The following LRRC4C variants were observed in gnomAD, a reference collection of about 807,000 sequenced individuals.
The protein encoded by LRRC4C is leucine rich repeat containing 4C.
A neutral mutation model predicts 33.6 loss-of-function variants in LRRC4C; 5 were observed. The observed-to-expected ratio is 0.15, with a 90% confidence interval of 0.08 to 0.31. LRRC4C has a LOEUF of 0.31. Among genes scored for constraint, LRRC4C ranks in the 10% least tolerant of loss-of-function variants. LRRC4C has a pLI of 1.00. For synonymous variants in LRRC4C, 329 were observed against 302.0 expected, an observed-to-expected ratio of 1.09 and a Z score of -0.93; for missense variants, 560 against 796.7, an observed-to-expected ratio of 0.70 and a Z score of 3.58.
At chr11:40,822,100 G>T (rs538717016) in intron 2 of LRRC4C, among the ~76,000 whole-genome samples, 1 of 151,658 alleles carries the variant, frequency 6.6e-6, no homozygotes, top group East Asian at 1.9e-4. Flanking sequence ...TTGAACACTA[G>T]AACTTATTCC....
chr11:41,222,286 G>A (rs561510955), intron 1 of LRRC4C, among the ~76,000 whole-genome samples: 1 of 152,160 alleles, frequency 6.6e-6, no homozygotes, highest in Non-Finnish European at 1.5e-5. Flanking sequence ...CTTAACAGCT[G>A]GTGATAGGCA....
At position 41,059,210 on chromosome 11, in the gene LRRC4C, G is replaced by GTTGTTTTTTTT. The variant is rs71060994; in HGVS notation, c.-495-125488_-495-125487insAAAAAAAACAA. Among the ~76,000 whole-genome samples, 5 of 125,180 alleles carry GTTGTTTTTTTT rather than the reference G, an allele frequency of 4.0e-5. 1 individual carries two copies. The highest frequency in any genetic ancestry group is 6.5e-5 in the Non-Finnish European group (4 of 61,584). 82.1% of individuals were successfully genotyped at this position (125,180 alleles called of 152,430 possible). ...ATATACTCCTGATACTAAAATAAAAGTTTTTTTTTTTTTTTAAGAAAAAGA... is the reference window on the plus strand; with the variant it reads ...ATATACTCCTGATACTAAAATAAAAGTTGTTTTTTTTTTTTTTTTTTTTTTTAAGAAAAAGA... On this transcript the variant is annotated intron_variant, in intron 1 of 6. Coordinates refer to ENST00000528697, the MANE Select transcript of LRRC4C (RefSeq NM_001258419.2).
chr11:41,277,414 T>C (rs977298837), intron 1 of LRRC4C, among the ~76,000 whole-genome samples: 2 of 152,214 alleles, frequency 1.3e-5, no homozygotes, highest in African/African-American at 2.4e-5. Flanking sequence ...TATTTCTTTT[T>C]AAAGTTCTTC....
chr11:40,517,766 A>G (rs923949950), intron 3 of LRRC4C, among the ~76,000 whole-genome samples: 6 of 151,946 alleles, frequency 3.9e-5, no homozygotes, highest in African/African-American at 1.5e-4. Flanking sequence ...ACTACTTTAA[A>G]CTTCATATGG....
chr11:41,416,444 A>C (rs1022069966), intron 1 of LRRC4C, among the ~76,000 whole-genome samples: 5 of 152,050 alleles, frequency 3.3e-5, no homozygotes, highest in Admixed American at 2.0e-4. Context: ...AAGGAACATC[A>C]GGCCTTCTGA....
chr11:41,125,629 A>T (rs895430749), intron 1 of LRRC4C, among the ~76,000 whole-genome samples: 1 of 152,060 alleles, frequency 6.6e-6, no homozygotes, highest in African/African-American at 2.4e-5. Context: ...TGTATTTTGC[A>T]TTTTTTCTCA....
intron 1 of LRRC4C, among the ~76,000 whole-genome samples, chr11:41,436,996 T>C (rs1955450585): frequency 6.6e-6 from 1 of 152,208 alleles, no homozygotes; most frequent in Non-Finnish European, 1.5e-5. Context: ...CCATGTGACC[T>C]GCAAACTTTT....
intron 1 of LRRC4C, among the ~76,000 whole-genome samples, chr11:41,040,989 TA>T (rs942420807): frequency 1.3e-5 from 2 of 152,192 alleles, no homozygotes; most frequent in African/African-American, 4.8e-5. Context: ...CACCTGGGTT[TA>T]AAAAACATTA....
intron 2 of LRRC4C, among the ~76,000 whole-genome samples, chr11:40,860,604 C>G (rs764722701): frequency 2.6e-5 from 4 of 151,958 alleles, no homozygotes; most frequent in Admixed American, 6.6e-5. Context: ...GGTGTACTAC[C>G]AGTGCATCTC....
intron 4 of LRRC4C, among the ~76,000 whole-genome samples, chr11:40,254,076 G>A (rs933381329): frequency 3.9e-5 from 6 of 152,134 alleles, no homozygotes; most frequent in African/African-American, 1.2e-4. Context: ...CTGACTTCTA[G>A]GTCCCAATGT....
intron 5 of LRRC4C, among the ~76,000 whole-genome samples, chr11:40,208,753 C>A (rs995621936): frequency 6.6e-6 from 1 of 152,128 alleles, no homozygotes; most frequent in Non-Finnish European, 1.5e-5. Context: ...AATCAGAAAT[C>A]TTTTGAGATC....
intron 3 of LRRC4C, among the ~76,000 whole-genome samples, chr11:40,532,854 G>A (rs967066935): frequency 7.2e-5 from 11 of 152,034 alleles, no homozygotes; most frequent in South Asian, 4.1e-4. Context: ...TCACAGTTTC[G>A]CATGGCTGGA....
chr11:40,522,020 A>T (rs377670449), intron 3 of LRRC4C, among the ~76,000 whole-genome samples: 81 of 152,298 alleles, frequency 5.3e-4, no homozygotes, highest in African/African-American at 1.9e-3. Flanking sequence ...ATTAACACCA[A>T]TTCCTGAGTG....
intron 1 of LRRC4C, among the ~76,000 whole-genome samples, chr11:41,353,181 A>G (rs1029056582): frequency 9.2e-5 from 14 of 152,096 alleles, no homozygotes; most frequent in South Asian, 2.1e-4. Context: ...ATCAGAAATG[A>G]CAAAATTACA....
chr11:41,317,978 C>T (rs1000411124), intron 1 of LRRC4C, among the ~76,000 whole-genome samples: 2 of 151,686 alleles, frequency 1.3e-5, no homozygotes, highest in Non-Finnish European at 2.9e-5. Flanking sequence ...AAGGTATATG[C>T]CTAATAATAA....
intron 1 of LRRC4C, among the ~76,000 whole-genome samples, chr11:41,182,972 G>A (rs1945520630): frequency 6.6e-6 from 1 of 152,044 alleles, no homozygotes; most frequent in African/African-American, 2.4e-5. Context: ...AAGAGAGAGA[G>A]AGATTGTGCA....
At chr11:40,129,017 C>T (rs1272548793) in intron 6 of LRRC4C, among the ~76,000 whole-genome samples, 1 of 152,096 alleles carries the variant, frequency 6.6e-6, no homozygotes, top group Non-Finnish European at 1.5e-5. Context: ...AGGTTAATTT[C>T]CATGGAGTAG....
intron 1 of LRRC4C, among the ~76,000 whole-genome samples, chr11:41,400,014 A>T (rs1953965437): frequency 6.6e-6 from 1 of 151,932 alleles, no homozygotes; most frequent in Non-Finnish European, 1.5e-5. Flanking sequence ...GTGAAGAAGA[A>T]CTCAGTGCTT....
chr11:41,130,910 T>C (rs2135834428), intron 1 of LRRC4C, among the ~76,000 whole-genome samples: 1 of 152,218 alleles, frequency 6.6e-6, no homozygotes, highest in South Asian at 2.1e-4. Flanking sequence ...CTGTGTGTTT[T>C]CCATGCACTA....
Sources: allele counts gnomAD v4.1 joint callset (sites outside exome capture counted in the v4.1 genomes callset), GRCh38; gene constraint gnomAD v4.1.1; transcripts MANE v1.5; gene names NCBI Gene and HGNC (gene_info 2026-07-23, HGNC 2026-07-21).